MGAT4C: variants seen among roughly 807,000 people sequenced by gnomAD.
MGAT4C encodes the protein alpha-1,3-mannosyl-glycoprotein 4-beta-N-acetylglucosaminyltransferase C.
In MGAT4C, 19 loss-of-function variants were observed where a neutral mutation model predicts 40.1. That is an observed-to-expected ratio of 0.47 (90% confidence interval 0.33 to 0.70). The LOEUF (loss-of-function observed/expected upper bound fraction) is 0.70, where lower values mean the gene tolerates loss of function less well. Among genes scored for constraint, MGAT4C ranks in the 30% least tolerant of loss-of-function variants. The pLI, the probability that MGAT4C is intolerant of heterozygous loss-of-function variation, is 0.02. For synonymous variants in MGAT4C, 181 were observed against 187.1 expected, an observed-to-expected ratio of 0.97 and a Z score of 0.27; for missense variants, 491 against 563.2, an observed-to-expected ratio of 0.87 and a Z score of 1.30.
rs769968303 is a variant in MGAT4C, at chr12:85,973,523, T to C, written c.*5766A>G. On this transcript the variant is annotated 3_prime_UTR_variant, in exon 5 of 5. Coordinates refer to ENST00000611864, the MANE Select transcript of MGAT4C (RefSeq NM_001351288.2). ...GATTCTCTTTATATTAAATTTAATG[T>C]ATGTGTGCCTCATGGAAATTTGTAT... The C allele has an allele frequency of 2.0e-5, 3 of 150,872 alleles. No homozygotes were observed. Among genetic ancestry groups the C allele is most frequent in the Admixed American group, 6.6e-5 (1 of 15,096 alleles). The allele number at this position is 150,872 out of a possible 1,614,324, so 9.3% of individuals were successfully genotyped here.
intron 3 of MGAT4C, among the ~76,000 whole-genome samples, chr12:86,362,046 T>C (rs1349813553): frequency 3.9e-5 from 6 of 152,242 alleles, no homozygotes; most frequent in East Asian, 1.9e-4. Flanking sequence ...CGTATATTTA[T>C]TGTGGCACTA....
chr12:85,983,825 C>A (rs913068338), intron 3 of MGAT4C, among the ~76,000 whole-genome samples, 155 bp from the exon 4 acceptor site: 1 of 152,108 alleles, frequency 6.6e-6, no homozygotes. Context: ...TGTAGCTCAT[C>A]ATCACTCACC....
chr12:86,540,972 C>T lies in MGAT4C; in HGVS notation c.-228-105707G>A, dbSNP rs75799962. ...AAATATTTAAGCAGTCATATTTTTA[C>T]TTGGCCTATCCTTACCATACATACT... On this transcript the variant is annotated intron_variant, in intron 2 of 7. Transcript: ENST00000548651. Among the ~76,000 whole-genome samples, 2,983 of 152,216 alleles carry T rather than the reference C, an allele frequency of 0.02. 211 individuals carry two copies. The East Asian group carries it at 0.24, about 12-fold the overall frequency.
At chr12:86,748,138 C>T (rs1171470569) in intron 1 of MGAT4C, among the ~76,000 whole-genome samples, 2 of 151,396 alleles carry the variant, frequency 1.3e-5, no homozygotes, top group African/African-American at 4.8e-5. Context: ...ATGTGTAGCT[C>T]AAAGAAAAGG....
intron 2 of MGAT4C, among the ~76,000 whole-genome samples, chr12:86,554,133 T>TACACACAC (rs5799783): frequency 3.3e-5 from 5 of 149,886 alleles, no homozygotes; most frequent in African/African-American, 1.2e-4. Context: ...TACACATACA[T>TACACACAC]ACACACACAC....
At chr12:86,534,977 G>A (rs1959044992) in intron 2 of MGAT4C, among the ~76,000 whole-genome samples, 1 of 151,962 alleles carries the variant, frequency 6.6e-6, no homozygotes, top group East Asian at 1.9e-4. Context: ...AAATACAGAG[G>A]TAATATCTAG....
rs765866914 is a variant in MGAT4C at position 85,983,701 on chromosome 12, T to C, written c.148-31A>G. On this transcript the variant is annotated intron_variant, in intron 3 of 4. Transcript: ENST00000611864. ...TACCAAGAAAGAAGCAAGGAAAATA[T>C]ATAAATAATAGATGGTCATGGATTA... is the stretch of plus-strand genomic sequence containing the variant. The C allele has an allele frequency of 4.7e-6, 7 of 1,484,046 alleles. No homozygotes were observed. The African/African-American group carries it at 5.7e-5, about 12-fold the overall frequency. 91.9% of individuals were successfully genotyped at this position (1,484,046 alleles called of 1,614,324 possible). A position where few individuals can be genotyped will look rare whatever the true frequency, so the allele number is the denominator to read the frequency against.
Position 86,208,108 on chromosome 12 carries a change from A to T in MGAT4C, c.-57+48131T>A, listed in dbSNP as rs188602162. On this transcript the variant is annotated intron_variant, in intron 1 of 4. Coordinates refer to ENST00000611864, the MANE Select transcript of MGAT4C (RefSeq NM_001351288.2). Reference sequence around the variant, plus strand: ...TGACCTCCCTGTCATCCCAACCCTTATAGAATCCAGATGGCCTAATCACAG... The same window carrying T: ...TGACCTCCCTGTCATCCCAACCCTTTTAGAATCCAGATGGCCTAATCACAG... Among the ~76,000 whole-genome samples, 188 of 152,270 alleles carry T rather than the reference A, an allele frequency of 1.2e-3. 1 individual carries two copies. Among genetic ancestry groups the T allele is most frequent in the African/African-American group, 4.3e-3 (177 of 41,560 alleles).
chr12:86,358,155 A>C (rs576779531), intron 3 of MGAT4C, among the ~76,000 whole-genome samples: 1 of 152,368 alleles, frequency 6.6e-6, no homozygotes, highest in East Asian at 1.9e-4. Context: ...CCAAGCCAGA[A>C]GAGAGTGGGG....
chr12:86,398,095 G>A (rs1484608688), intron 3 of MGAT4C, among the ~76,000 whole-genome samples: 3 of 152,154 alleles, frequency 2.0e-5, no homozygotes, highest in African/African-American at 4.8e-5. Context: ...GTTTCCTGAT[G>A]CCACTATAAC....
intron 1 of MGAT4C, among the ~76,000 whole-genome samples, chr12:86,163,028 G>T (rs1566073887): frequency 6.6e-6 from 1 of 152,036 alleles, no homozygotes; most frequent in Non-Finnish European, 1.5e-5. Context: ...TCTGGGATGG[G>T]CCCTAGAAAT....
chr12:86,051,712 T>A (rs902935605), intron 1 of MGAT4C, among the ~76,000 whole-genome samples: 1 of 151,436 alleles, frequency 6.6e-6, no homozygotes, highest in Admixed American at 6.6e-5. Flanking sequence ...TTAGGTGGTA[T>A]CTTCAATGTG....
At position 86,834,218 on chromosome 12, in the gene MGAT4C, G is replaced by A. The variant is rs73183105; in HGVS notation, c.-262+4448C>T. Among the ~76,000 whole-genome samples, 863 of 104,852 alleles carry A rather than the reference G, an allele frequency of 8.2e-3. 5 individuals carry two copies. The highest frequency in any genetic ancestry group is 0.039 in the Middle Eastern group (6 of 154). The allele number at this position is 104,852 out of a possible 152,430, so 68.8% of individuals were successfully genotyped here. A position where few individuals can be genotyped will look rare whatever the true frequency, so the allele number is the denominator to read the frequency against. The stretch of plus-strand genomic sequence containing the variant: ...GATATAGATATAGATATAGATATAG[G>A]TCCATCTATAGATAGGTAGATAGAT... On this transcript the variant is annotated intron_variant, in intron 1 of 7. Transcript: ENST00000548651.
intron 2 of MGAT4C, among the ~76,000 whole-genome samples, chr12:86,553,971 T>A (rs1026543269): frequency 4.6e-5 from 7 of 152,150 alleles, no homozygotes; most frequent in Non-Finnish European, 1.0e-4. Flanking sequence ...TTCCTTCCAT[T>A]TCATCATAGA....
chr12:86,558,576 T>C (rs778282558), intron 2 of MGAT4C, among the ~76,000 whole-genome samples: 25 of 151,846 alleles, frequency 1.6e-4, no homozygotes, highest in Non-Finnish European at 2.4e-4. Context: ...CAAGAAGAAA[T>C]AAAATTTTTC....
Position 86,399,603 on chromosome 12 carries a change from G to C in MGAT4C, c.-120+35554C>G, listed in dbSNP as rs573522690. On this transcript the variant is annotated intron_variant, in intron 3 of 7. Coordinates refer to the MGAT4C transcript ENST00000548651. ...GGCCTGTCCAGTTACATTTCTACAC[G>C]GTTGTCCTTGCTTCAATCATGTCTA... Among the ~76,000 whole-genome samples the C allele has an allele frequency of 6.8e-4, 104 of 152,140 alleles. 1 individual carries two copies. Among genetic ancestry groups the C allele is most frequent in the Non-Finnish European group, 3.1e-4 (21 of 67,990 alleles).
At chr12:86,795,430 G>A (rs936286208) in intron 1 of MGAT4C, among the ~76,000 whole-genome samples, 1 of 151,866 alleles carries the variant, frequency 6.6e-6, no homozygotes, top group African/African-American at 2.4e-5. Context: ...TACAATATTA[G>A]GCATATTGTA....
intron 2 of MGAT4C, among the ~76,000 whole-genome samples, chr12:86,505,862 A>C (rs1234088400): frequency 4.6e-5 from 7 of 152,170 alleles, no homozygotes; most frequent in Non-Finnish European, 8.8e-5. Flanking sequence ...CATCATTCTT[A>C]GGGAGAAACA....
At chr12:86,417,085 T>C (rs896123582) in intron 3 of MGAT4C, among the ~76,000 whole-genome samples, 2 of 152,110 alleles carry the variant, frequency 1.3e-5, no homozygotes, top group African/African-American at 4.8e-5. Context: ...AACTAATACA[T>C]CCAATAAAAA....
Sources: gnomAD v4.1 joint callset for allele counts (sites outside exome capture counted in the v4.1 genomes callset) on GRCh38, gnomAD v4.1.1 for gene constraint, MANE v1.5 for transcripts, NCBI Gene and HGNC (gene_info 2026-07-23, HGNC 2026-07-21) for gene names.